Variants in CIB3 observed in about 807,000 individuals in gnomAD.
The protein encoded by CIB3 is calcium and integrin binding family member 3, also known as calcium and integrin-binding family member 3.
A neutral mutation model predicts 23.4 loss-of-function variants in CIB3; 22 were observed. That is an observed-to-expected ratio of 0.94 (90% CI 0.67 to 1.34). CIB3 has a LOEUF of 1.34. Ranked by LOEUF, CIB3 falls within the 40% of genes most tolerant of loss-of-function variation. The probability of loss-of-function intolerance (pLI) is 0.00; values close to 1 mark genes in which losing one functional copy is unlikely to be tolerated. For missense variants in CIB3, 258 were observed against 247.3 expected (o/e 1.04, Z -0.29); for synonymous variants, 93 against 95.8 (o/e 0.97, Z 0.17).
chr19:16,162,302 T>C (rs1237775168), intron 5 of CIB3, among the ~76,000 whole-genome samples: 1 of 149,394 alleles, frequency 6.7e-6, no homozygotes, highest in African/African-American at 2.5e-5. Context: ...TGTGTGCCCG[T>C]ACTCCCAGCT....
intron 5 of CIB3, among the ~76,000 whole-genome samples, chr19:16,162,503 G>A (rs1163170875): frequency 6.6e-6 from 1 of 152,090 alleles, no homozygotes; most frequent in Non-Finnish European, 1.5e-5. Flanking sequence ...TGTAATCCCA[G>A]CACTTTGGGA....
intron 4 of CIB3, among the ~76,000 whole-genome samples, chr19:16,165,872 T>TTCAC (rs202049638): frequency 0.011 from 1,726 of 152,334 alleles, 43 homozygotes; most frequent in African/African-American, 0.039. Context: ...CTGATTTTCA[T>TTCAC]TCACTCACTC....
intron 5 of CIB3, 107 bp downstream of exon 5, chr19:16,164,611 A>G: frequency 9.3e-7 from 1 of 1,072,430 alleles, no homozygotes; most frequent in South Asian, 1.5e-5. Flanking sequence ...TCCCAAGGTC[A>G]TGAAAGAATG....
intron 2 of CIB3, among the ~76,000 whole-genome samples, chr19:16,170,304 G>T (rs1288519318): frequency 6.6e-6 from 1 of 152,194 alleles, no homozygotes; most frequent in Non-Finnish European, 1.5e-5. Context: ...GCGAGGAGAA[G>T]GGGGTTCCTG....
chr19:16,170,972 A>G (rs1400673688), intron 2 of CIB3, among the ~76,000 whole-genome samples: 1 of 152,106 alleles, frequency 6.6e-6, no homozygotes, highest in Non-Finnish European at 1.5e-5. Context: ...CCCCGTCTCC[A>G]CTAAAAATAT....
Position 16,165,513 on chromosome 19 carries a change from G to A in CIB3, c.347-600C>T, listed in dbSNP as rs1233081974. Among the ~76,000 whole-genome samples, 5 of 151,306 alleles carry A rather than the reference G, an allele frequency of 3.3e-5. No homozygotes were observed. The South Asian group carries it at 8.4e-4, about 25-fold the overall frequency. Reference sequence around the variant, plus strand: ...GGCTGGAGTGCAGTGGCACGATCTCGGCTCACTGCAACCTCCACCTCCTGG... The same window carrying A: ...GGCTGGAGTGCAGTGGCACGATCTCAGCTCACTGCAACCTCCACCTCCTGG... On this transcript the variant is annotated intron_variant, in intron 4 of 5. Coordinates refer to ENST00000269878, the MANE Select transcript of CIB3 (RefSeq NM_054113.4).
rs750589500 is a variant in CIB3 at position 16,173,403 on chromosome 19, G to A, written c.51+22C>T. 2.5e-6 allele frequency: 4 copies of A among 1,610,130 alleles called. No homozygotes were observed. The Admixed American group carries it at 6.7e-5, about 27-fold the overall frequency. On this transcript the variant is annotated intron_variant, in intron 1 of 5. Coordinates refer to ENST00000269878, the MANE Select transcript of CIB3 (RefSeq NM_054113.4). The stretch of plus-strand genomic sequence containing the variant: ...AACCAAAGTTGTCAAACCCACTGAG[G>A]ACCCATCCTGCCCCCCTCTACCTGA...
intron 2 of CIB3, among the ~76,000 whole-genome samples, chr19:16,169,945 A>G (rs2091321342): frequency 6.6e-6 from 1 of 152,096 alleles, no homozygotes; most frequent in African/African-American, 2.4e-5. Flanking sequence ...GATTACAGGC[A>G]CACCCTGCCA....
intron 5 of CIB3, among the ~76,000 whole-genome samples, chr19:16,164,083 G>T (rs555858427): frequency 5.9e-5 from 9 of 152,024 alleles, no homozygotes; most frequent in African/African-American, 2.2e-4. Context: ...CAATCCTCCC[G>T]CCTCAGCCTC....
At position 16,169,677 on chromosome 19, in the gene CIB3, CG is replaced by C; in HGVS notation, c.150del (p.Asp51MetfsTer2). The C allele has an allele frequency of 6.2e-7, 1 of 1,613,766 alleles. No homozygotes were observed. Among genetic ancestry groups the C allele is most frequent in the Non-Finnish European group, 8.5e-7 (1 of 1,179,760 alleles). On this transcript the variant is annotated frameshift_variant, in exon 3 of 6. Coordinates refer to ENST00000269878, the MANE Select transcript of CIB3 (RefSeq NM_054113.4). LOFTEE classifies it high-confidence loss of function. ...ATGAGCTCGTAGGGCACCTTCACATCGGGGCAGGTGGTATAGTCGAGGGGCA... is the reference window on the plus strand; with the variant it reads ...ATGAGCTCGTAGGGCACCTTCACATCGGGCAGGTGGTATAGTCGAGGGGCA... ...QLVPLDYTTC[P>X]DVKVPYELIG...
chr19:16,173,449 T>C lies in CIB3; in HGVS notation c.27A>G (p.Thr9=). MGNKQTVF[T]HEQLEAYQDC... ...CCTGATACGCTTCCAGCTGCTCGTG[T>C]GTGAAGACTGTCTGCTTGTTGCCCA... Residue 9 remains threonine, a synonymous_variant, in exon 1 of 6, where the codon ACA becomes ACG. Transcript: ENST00000269878. The C allele has an allele frequency of 6.2e-7, 1 of 1,614,066 alleles. No homozygotes were observed. The highest frequency in any genetic ancestry group is 1.1e-5 in the South Asian group (1 of 91,080).
chr19:16,164,944 C>A, intron 4 of CIB3, 31 bp from the exon 5 acceptor site: 1 of 1,600,522 alleles, frequency 6.2e-7, no homozygotes, highest in Non-Finnish European at 8.6e-7. Flanking sequence ...GGAGTGACAG[C>A]AGGTGGCAGG....
Position 16,168,238 on chromosome 19 carries a change from C to A in CIB3, c.245G>T (p.Gly82Val). Residue 82 changes from glycine (G) to valine (V), a missense_variant, in exon 4 of 6, where the codon GGG becomes GTG. Transcript: ENST00000269878. ...GTTGTCCAGGGTCATGTGGCCATCC[C>A]CATCCTCAGAGAATACCTGGGCAAT... is the stretch of plus-strand genomic sequence containing the variant. ...QRIAQVFSED[G>V]DGHMTLDNFL... The A allele has an allele frequency of 6.2e-7, 1 of 1,613,750 alleles. No homozygotes were observed. The highest frequency in any genetic ancestry group is 8.5e-7 in the Non-Finnish European group (1 of 1,179,922).
At chr19:16,169,568 G>A (rs956430724) in intron 3 of CIB3, 62 bp downstream of exon 3, 33 of 1,424,970 alleles carry the variant, frequency 2.3e-5, no homozygotes, top group Non-Finnish European at 3.1e-5. Context: ...TGACCTCAGA[G>A]GAATGCAACG....
At chr19:16,173,226 A>G (rs1309964597) in intron 1 of CIB3, 30 bp from the exon 2 acceptor site, 1 of 1,613,702 alleles carries the variant, frequency 6.2e-7, no homozygotes, top group Admixed American at 1.7e-5. Context: ...CTTAACCCGA[A>G]CCCTGCCTCT....
intron 4 of CIB3, among the ~76,000 whole-genome samples, chr19:16,165,495 G>A (rs1042625567): frequency 1.8e-4 from 28 of 151,592 alleles, no homozygotes; most frequent in African/African-American, 6.3e-4. Context: ...CCAGGCTGGA[G>A]TGCAGTGGCA....
intron 5 of CIB3, among the ~76,000 whole-genome samples, chr19:16,164,060 T>G (rs2091295625): frequency 6.6e-6 from 1 of 152,174 alleles, no homozygotes; most frequent in South Asian, 2.1e-4. Context: ...GGCCTTGACC[T>G]CCTGGGCTCA....
At chr19:16,169,551 G>T in intron 3 of CIB3, 79 bp downstream of exon 3, 1 of 1,262,742 alleles carries the variant, frequency 7.9e-7, no homozygotes, top group Non-Finnish European at 1.1e-6. Flanking sequence ...GGGGATAACT[G>T]CAGCACTGAC....
In CIB3 at chr19:16,161,421, G is replaced by C. The variant is rs1160009537; in HGVS notation, c.*44C>G. 4.4e-6 allele frequency: 7 copies of C among 1,605,722 alleles called. 1 individual carries two copies. Among genetic ancestry groups the C allele is most frequent in the Non-Finnish European group, 6.0e-6 (7 of 1,172,406 alleles). On this transcript the variant is annotated 3_prime_UTR_variant, in exon 6 of 6. Transcript: ENST00000269878. ...AGAAACCAGAGTCCACAGCGGGTGAGGGGTCACCCCGCCCTCCTATAGCTC... is the reference window on the plus strand; with the variant it reads ...AGAAACCAGAGTCCACAGCGGGTGACGGGTCACCCCGCCCTCCTATAGCTC...
Sources: gnomAD v4.1 joint callset for allele counts (sites outside exome capture counted in the v4.1 genomes callset) on GRCh38, gnomAD v4.1.1 for gene constraint, MANE v1.5 for transcripts, NCBI Gene and HGNC (gene_info 2026-07-23, HGNC 2026-07-21) for gene names.